Variants in RFX7 observed in about 807,000 individuals in gnomAD.
RFX7 encodes regulatory factor X7, also known as DNA-binding protein RFX7.
A neutral mutation model predicts 111.8 loss-of-function variants in RFX7; 26 were observed. The observed-to-expected ratio is 0.23, with a 90% confidence interval of 0.17 to 0.32. The LOEUF is 0.32. Ranked by LOEUF, RFX7 falls within the 10% of genes least tolerant of loss-of-function variation. The pLI is 1.00. For synonymous variants in RFX7, 624 were observed against 624.4 expected (o/e 1.00, Z 0.01); for missense variants, 1,573 against 1,772.9 (o/e 0.89, Z 2.02).
At chr15:56,244,550 T>G (rs1208373296), upstream of RFX7, among the ~76,000 whole-genome samples, 1 of 152,072 alleles carries the variant, frequency 6.6e-6, no homozygotes, top group Non-Finnish European at 1.5e-5. Flanking sequence ...CCTTCGTGCC[T>G]TTGCTCATGC....
intron 2 of RFX7, among the ~76,000 whole-genome samples, chr15:56,228,906 G>C (rs2043516832): frequency 6.6e-6 from 1 of 151,934 alleles, no homozygotes; most frequent in East Asian, 1.9e-4. Flanking sequence ...CATAGTAAGA[G>C]ATAAACAATA....
At chr15:56,096,849 T>C (rs1170052681) in intron 9 of RFX7, among the ~76,000 whole-genome samples, 1 of 152,250 alleles carries the variant, frequency 6.6e-6, no homozygotes, top group Admixed American at 6.5e-5. Flanking sequence ...AACATTAAGT[T>C]ACTTTTCAAT....
In RFX7 at chr15:56,093,906, G is replaced by A; in HGVS notation, c.3822C>T (p.Pro1274=). The change falls in exon 10 of 10, where the codon CCC becomes CCT. Residue 1274 remains proline (P), a synonymous_variant. Coordinates refer to ENST00000559447, the MANE Select transcript of RFX7 (RefSeq NM_022841.7). ...AVRGLGMNNL[P]SNYTARMNLT... is the part of the protein sequence containing the mutation. ...GATTCATCCGGGCTGTATAATTAGA[G>A]GGCAGGTTGTTCATTCCCAAACCTC... 6.2e-7 allele frequency: 1 copy of A among 1,613,916 alleles called. No individual in the cohort carries two copies. Among genetic ancestry groups the A allele is most frequent in the Non-Finnish European group, 8.5e-7 (1 of 1,179,870 alleles).
At chr15:56,121,711 C>CT (rs1231712991) in intron 5 of RFX7, among the ~76,000 whole-genome samples, 3 of 151,858 alleles carry the variant, frequency 2.0e-5, no homozygotes, top group South Asian at 2.1e-4. Context: ...GTGCTTCATT[C>CT]TTTTTTTTAT....
chr15:56,205,602 A>G (rs1339352228), intron 2 of RFX7, among the ~76,000 whole-genome samples: 1 of 152,206 alleles, frequency 6.6e-6, no homozygotes. Flanking sequence ...TAAACATTTA[A>G]GAACTAACAC....
intron 5 of RFX7, among the ~76,000 whole-genome samples, chr15:56,109,138 C>G: frequency 6.6e-6 from 1 of 152,236 alleles, no homozygotes; most frequent in Non-Finnish European, 1.5e-5. Flanking sequence ...CTCACTGCAA[C>G]CTCCCTGCCT....
chr15:56,195,955 A>C (rs146661907), intron 2 of RFX7, among the ~76,000 whole-genome samples: 80 of 152,308 alleles, frequency 5.3e-4, no homozygotes, highest in Non-Finnish European at 9.6e-4. Flanking sequence ...AGGATGCTAT[A>C]AAGATTTATT....
intron 5 of RFX7, among the ~76,000 whole-genome samples, chr15:56,118,635 G>A (rs752529409): frequency 1.4e-4 from 22 of 152,130 alleles, no homozygotes; most frequent in Non-Finnish European, 2.9e-4. Flanking sequence ...TGGTTATTGG[G>A]AATAGTGCTG....
chr15:56,149,100 AAATC>A (rs1327608777), intron 3 of RFX7, among the ~76,000 whole-genome samples: 5 of 151,898 alleles, frequency 3.3e-5, no homozygotes, highest in Admixed American at 6.6e-5. Flanking sequence ...AAAAAAAAAA[AAATC>A]AATGTGTCAC....
At chr15:56,120,674 GT>G (rs2042066324) in intron 5 of RFX7, among the ~76,000 whole-genome samples, 1 of 152,110 alleles carries the variant, frequency 6.6e-6, no homozygotes, top group African/African-American at 2.4e-5. Context: ...TCTATGCCCA[GT>G]TTTTTGAGGG....
intron 5 of RFX7, among the ~76,000 whole-genome samples, chr15:56,131,335 T>TTGGTGCGGTCA (rs11273926): frequency 6.8e-6 from 1 of 146,034 alleles, no homozygotes; most frequent in African/African-American, 2.6e-5. Context: ...TTGGAGTGCA[T>TTGGTGCGGTCA]TGGCTTACTG....
At chr15:56,135,230 A>C (rs2042282129) in intron 5 of RFX7, among the ~76,000 whole-genome samples, 1 of 151,378 alleles carries the variant, frequency 6.6e-6, no homozygotes, top group African/African-American at 2.4e-5. Context: ...CAGTCCCACC[A>C]ACAGTGTAAA....
At chr15:56,225,225 C>T (rs2043469151) in intron 2 of RFX7, among the ~76,000 whole-genome samples, 1 of 152,114 alleles carries the variant, frequency 6.6e-6, no homozygotes, top group Non-Finnish European at 1.5e-5. Flanking sequence ...GCCCATTTAT[C>T]TCTTTTAAGT....
chr15:56,218,144 C>CTTTTTTTTTTTTTT (rs869249448), intron 2 of RFX7, among the ~76,000 whole-genome samples: 3 of 57,974 alleles, frequency 5.2e-5, no homozygotes, highest in Non-Finnish European at 9.2e-5. Flanking sequence ...AAATGATTTT[C>CTTTTTTTTTTTTTT]TTTTTTTTTT....
chr15:56,198,921 G>A (rs1472190604), intron 2 of RFX7, among the ~76,000 whole-genome samples: 4 of 151,992 alleles, frequency 2.6e-5, no homozygotes, highest in Non-Finnish European at 4.4e-5. Context: ...AGCACTTTGG[G>A]AGGCCAAGAT....
At chr15:56,143,044 G>T (rs2042422823) in intron 4 of RFX7, 144 bp from the exon 5 acceptor site, 5 of 850,628 alleles carry the variant, frequency 5.9e-6, no homozygotes, top group East Asian at 2.7e-5. Flanking sequence ...GTAGATAATT[G>T]TCCACCTATG....
chr15:56,134,618 C>CTT (rs55844559), intron 5 of RFX7, among the ~76,000 whole-genome samples: 1 of 126,322 alleles, frequency 7.9e-6, no homozygotes, highest in African/African-American at 3.0e-5. Context: ...TTTTTACTTT[C>CTT]TTTTTTTTTT....
Position 56,112,972 on chromosome 15 carries a change from G to A in RFX7, c.402-9302C>T, listed in dbSNP as rs143074741. ...AAGAGATACCATCTCATGCCGGTCA[G>A]AATGGCGATTATTAAAAAGTCAAGA... On this transcript the variant is annotated intron_variant, in intron 5 of 9. Transcript: ENST00000559447. Among the ~76,000 whole-genome samples, 104 of 152,310 alleles carry A rather than the reference G, an allele frequency of 6.8e-4. 1 individual carries two copies. The East Asian group carries it at 0.017, about 25-fold the overall frequency.
At position 56,139,229 on chromosome 15, in the gene RFX7, T is replaced by A. The variant is rs538756424; in HGVS notation, c.401+3549A>T. Among the ~76,000 whole-genome samples the A allele has an allele frequency of 3.3e-5, 5 of 151,334 alleles. No individual in the cohort carries two copies. In the East Asian group the frequency reaches 9.7e-4, roughly 29 times the overall value. ...AGAGTGTTTTCCAACTTGGTTCCAT[T>A]CTCCCCATCACTTTCAGGTACACCA... On this transcript the variant is annotated intron_variant, in intron 5 of 9. Coordinates refer to ENST00000559447, the MANE Select transcript of RFX7 (RefSeq NM_022841.7).
Sources: gnomAD v4.1 joint callset for allele counts (sites outside exome capture counted in the v4.1 genomes callset) on GRCh38, gnomAD v4.1.1 for gene constraint, MANE v1.5 for transcripts, NCBI Gene and HGNC (gene_info 2026-07-23, HGNC 2026-07-21) for gene names.